CLSTN3: variants seen among roughly 807,000 people sequenced by gnomAD.
CLSTN3 encodes calsyntenin-3.
CLSTN3 carries 36 observed loss-of-function variants against 95.9 expected under a neutral mutation model. The ratio of observed to expected loss-of-function variants is 0.38; its 90% CI spans 0.29 to 0.50. The LOEUF (loss-of-function observed/expected upper bound fraction) is 0.50, where lower values mean the gene tolerates loss of function less well. CLSTN3 is among the 20% of genes least tolerant of loss of function. The pLI is 0.95. For missense variants in CLSTN3, 1,084 were observed against 1,268.8 expected (o/e 0.85, Z 2.21); for synonymous variants, 481 against 504.0 (o/e 0.95, Z 0.61).
chr12:7,151,328 C>T (rs766197441), intron 16 of CLSTN3, among the ~76,000 whole-genome samples: 21 of 152,246 alleles, frequency 1.4e-4, no homozygotes, highest in Middle Eastern at 3.4e-3. Context: ...TGGGTTTAGG[C>T]GTGTTTGTTA....
intron 12 of CLSTN3, among the ~76,000 whole-genome samples, chr12:7,147,539 T>G (rs1939641937): frequency 7.4e-6 from 1 of 135,428 alleles, no homozygotes; most frequent in African/African-American, 2.8e-5. Context: ...TGAGATAGGG[T>G]CTCACTCTGT....
In CLSTN3 at chr12:7,148,982, G is replaced by A. The variant is rs759437086; in HGVS notation, c.1858G>A (p.Glu620Lys). 5 of 1,613,954 alleles carry A rather than the reference G, an allele frequency of 3.1e-6. No individual in the cohort carries two copies. Among genetic ancestry groups the A allele is most frequent in the East Asian group, 4.5e-5 (2 of 44,898 alleles). ...TGCTTTCTTACATAGGTGCTTCAGCGAAGAGTCCTGCGTCTCCATCCCTGA... is the reference window on the plus strand; with the variant it reads ...TGCTTTCTTACATAGGTGCTTCAGCAAAGAGTCCTGCGTCTCCATCCCTGA... ...RLTTAVKCFSEESCVSIPEVE... is the reference protein window; with the variant it reads ...RLTTAVKCFSKESCVSIPEVE... Residue 620 changes from glutamate (E) to lysine (K), a missense_variant, in exon 13 of 18, where the codon GAA (glutamate) becomes AAA (lysine). Physicochemically the swap from Glu to Lys is moderately conservative, Grantham distance 56. Transcript: ENST00000266546.
In CLSTN3 at chr12:7,130,578, A is replaced by C; in HGVS notation, c.-71A>C. On this transcript the variant is annotated 5_prime_UTR_variant, in exon 1 of 18. Transcript: ENST00000266546. Reference sequence around the variant, plus strand: ...GGAGACCCCCTGTATCCCTCCCGCAAGGTGGAATCCGCAGGCTGGAGGCTC... The same window carrying C: ...GGAGACCCCCTGTATCCCTCCCGCACGGTGGAATCCGCAGGCTGGAGGCTC... 6.5e-7 allele frequency: 1 copy of C among 1,549,270 alleles called. No individual in the cohort carries two copies. Among genetic ancestry groups the C allele is most frequent in the Non-Finnish European group, 8.7e-7 (1 of 1,146,890 alleles).
chr12:7,129,460 C>A, upstream of CLSTN3: 1 of 239,792 alleles, frequency 4.2e-6, no homozygotes, highest in Non-Finnish European at 6.8e-6. The surrounding 1 kb of genome is among the most constrained non-coding windows in gnomAD (Gnocchi z 5.5). Flanking sequence ...GGAGGTGGAG[C>A]CCGAGGGGTG....
intron 16 of CLSTN3, chr12:7,156,704 G>A (rs1352467002): frequency 2.2e-6 from 1 of 456,726 alleles, no homozygotes; most frequent in Non-Finnish European, 4.4e-6. Context: ...CAGCTCTAAG[G>A]TCCGTGTGAG....
chr12:7,156,792 A>G (rs1434153385), intron 16 of CLSTN3: 1 of 456,078 alleles, frequency 2.2e-6, no homozygotes, highest in Admixed American at 2.4e-5. Context: ...GTGGGGCTGC[A>G]GGGCCAGAAG....
Position 7,133,907 on chromosome 12 carries a change from C to T in CLSTN3, c.383+139C>T, listed in dbSNP as rs1939355915. On this transcript the variant is annotated intron_variant, in intron 3 of 17. Coordinates refer to ENST00000266546, the MANE Select transcript of CLSTN3 (RefSeq NM_014718.4). This position sits in a 1 kb window ranked among gnomAD's most constrained non-coding sequence, Gnocchi z 4.7. ...TCCTAGGACTTAGGGAGCCCCATCCCCTGCTGTTCCTAGGATTTAGGGACT... is the reference window on the plus strand; with the variant it reads ...TCCTAGGACTTAGGGAGCCCCATCCTCTGCTGTTCCTAGGATTTAGGGACT... The T allele has an allele frequency of 3.0e-6, 2 of 667,470 alleles. No individual in the cohort carries two copies. The highest frequency in any genetic ancestry group is 2.1e-5 in the South Asian group (1 of 47,482). 41.3% of individuals were successfully genotyped at this position (667,470 alleles called of 1,614,324 possible). A position where few individuals can be genotyped will look rare whatever the true frequency, so the allele number is the denominator to read the frequency against.
At chr12:7,140,948 T>A (rs1175603037) in intron 8 of CLSTN3, among the ~76,000 whole-genome samples, 1 of 152,188 alleles carries the variant, frequency 6.6e-6, no homozygotes, top group Non-Finnish European at 1.5e-5. Context: ...ATACATAAGT[T>A]CGGGGGGCAG....
Position 7,133,571 on chromosome 12 carries a change from A to G in CLSTN3, c.188-2A>G, listed in dbSNP as rs1939345814. The G allele has an allele frequency of 6.2e-7, 1 of 1,613,868 alleles. No homozygotes were observed. The highest frequency in any genetic ancestry group is 1.1e-5 in the South Asian group (1 of 91,070). Reference sequence around the variant, plus strand: ...CACTCCTCCCCTTCTCCCCTTTGCCAGGTGAGATCTGCGGCTTCCGGCTCC... The same window carrying G: ...CACTCCTCCCCTTCTCCCCTTTGCCGGGTGAGATCTGCGGCTTCCGGCTCC... On this transcript the variant is annotated splice_acceptor_variant, in intron 2 of 17. Coordinates refer to ENST00000266546, the MANE Select transcript of CLSTN3 (RefSeq NM_014718.4). LOFTEE classifies it high-confidence loss of function. This position sits in a 1 kb window ranked among gnomAD's most constrained non-coding sequence, Gnocchi z 4.7.
intron 12 of CLSTN3, among the ~76,000 whole-genome samples, chr12:7,144,712 A>G (rs927531640): frequency 6.6e-6 from 1 of 152,156 alleles, no homozygotes; most frequent in African/African-American, 2.4e-5. Context: ...TGTGAGCTAT[A>G]TGAAGATAAA....
At chr12:7,143,893 CAAAGA>C (rs2135806262) in intron 12 of CLSTN3, among the ~76,000 whole-genome samples, 1 of 152,276 alleles carries the variant, frequency 6.6e-6, no homozygotes, top group Admixed American at 6.5e-5. Flanking sequence ...GTAGTTGGGA[CAAAGA>C]TCATATGGCC....
intron 1 of CLSTN3, chr12:7,131,706 C>T (rs749535505): frequency 4.4e-6 from 2 of 450,752 alleles, no homozygotes; most frequent in African/African-American, 4.0e-5. Context: ...GCCCTTCCAC[C>T]GCTCTCTCTT....
Position 7,153,637 on chromosome 12 carries a change from T to C in CLSTN3, c.2527+2574T>C, listed in dbSNP as rs765801545. ...TAAACTCTTGAGGCCAGCTATAAAT[T>C]TTTTTCCTTCTTGTGATTCCATAGC... On this transcript the variant is annotated intron_variant, in intron 16 of 17. Transcript: ENST00000266546. 1.9e-3 allele frequency among the ~76,000 whole-genome samples: 290 copies of C among 152,300 alleles called. 1 individual carries two copies. Among genetic ancestry groups the C allele is most frequent in the Non-Finnish European group, 2.8e-3 (189 of 68,008 alleles).
chr12:7,136,753 CT>C, intron 6 of CLSTN3, 75 bp from the exon 7 acceptor site: 1 of 1,535,406 alleles, frequency 6.5e-7, no homozygotes, highest in Non-Finnish European at 8.9e-7. Flanking sequence ...ATCAGTCCCT[CT>C]TTCCCTGCCT....
At chr12:7,139,039 A>G (rs1274974327) in intron 8 of CLSTN3, among the ~76,000 whole-genome samples, 1 of 152,102 alleles carries the variant, frequency 6.6e-6, no homozygotes, top group Non-Finnish European at 1.5e-5. Context: ...TCTTCAATTC[A>G]CCCTCATTTA....
rs1317702373 is a variant in CLSTN3 at position 7,137,669 on chromosome 12, G to A, written c.1211-286G>A. Among the ~76,000 whole-genome samples the A allele has an allele frequency of 2.0e-5, 3 of 152,176 alleles. No homozygotes were observed. The South Asian group carries it at 6.2e-4, about 32-fold the overall frequency. On this transcript the variant is annotated intron_variant, in intron 7 of 17. Transcript: ENST00000266546. This position sits in a 1 kb window ranked among gnomAD's most constrained non-coding sequence, Gnocchi z 4.4. ...GTATTAACCAAAGGACTGATGAAGA[G>A]CTGGTGATGGAGTGGGCCAGCTGAT...
At chr12:7,139,256 G>A (rs114817330) in intron 8 of CLSTN3, among the ~76,000 whole-genome samples, 3 of 152,186 alleles carry the variant, frequency 2.0e-5, no homozygotes, top group African/African-American at 4.8e-5. Context: ...AGAGCATGGC[G>A]GGAGGCAAGG....
At chr12:7,139,185 A>G (rs1473782531) in intron 8 of CLSTN3, among the ~76,000 whole-genome samples, 1 of 152,258 alleles carries the variant, frequency 6.6e-6, no homozygotes, top group African/African-American at 2.4e-5. Context: ...AAAAGTAAAT[A>G]GACATGTAAA....
intron 1 of CLSTN3, chr12:7,132,634 T>C: frequency 2.0e-6 from 1 of 492,404 alleles, no homozygotes; most frequent in South Asian, 3.2e-5. Context: ...ATCCCTTCCC[T>C]TTCCCAGGGC....
Sources: gnomAD v4.1 joint callset for allele counts (sites outside exome capture counted in the v4.1 genomes callset) on GRCh38, gnomAD v4.1.1 for gene constraint, Gnocchi (gnomAD v3.1) non-coding constraint, MANE v1.5 for transcripts, NCBI Gene and HGNC (gene_info 2026-07-23, HGNC 2026-07-21) for gene names.